Variants in FAM133A observed in about 807,000 individuals in gnomAD.
FAM133A encodes protein FAM133A.
For missense variants in FAM133A, 159 were observed against 164.4 expected, an observed-to-expected ratio of 0.97 and a Z score of 0.18; for synonymous variants, 65 against 58.6, an observed-to-expected ratio of 1.11 and a Z score of -0.50.
intron 2 of FAM133A, among the ~76,000 whole-genome samples, chrX:93,683,800 G>A (rs976736208): frequency 3.6e-5 from 4 of 111,294 alleles, no homozygotes; most frequent in East Asian, 2.8e-4. Flanking sequence ...TTTGTTGGCC[G>A]TTTGCATGTC....
chrX:93,701,679 T>C (rs940186515), intron 3 of FAM133A, among the ~76,000 whole-genome samples: 12 of 111,718 alleles, frequency 1.1e-4, no homozygotes, highest in African/African-American at 3.9e-4. Flanking sequence ...CCAAAACATA[T>C]CAAATGCATT....
intron 3 of FAM133A, among the ~76,000 whole-genome samples, chrX:93,704,985 A>G (rs1926949875): frequency 9.0e-6 from 1 of 111,040 alleles, no homozygotes; most frequent in Non-Finnish European, 1.9e-5. Context: ...TCAGTGTCTC[A>G]GATGATATGT....
At chrX:93,688,863 T>A (rs1450515343) in intron 2 of FAM133A, among the ~76,000 whole-genome samples, 2 of 109,829 alleles carry the variant, frequency 1.8e-5, no homozygotes, top group Non-Finnish European at 3.8e-5. Context: ...GTAAAATAAA[T>A]ACTCTAAAAA....
rs1247978080 is a variant in FAM133A at position 93,712,166 on chromosome X, C to A, written c.*2000C>A. 1 of 123,253 alleles carries A rather than the reference C, an allele frequency of 8.1e-6. No individual in the cohort carries two copies. The allele number at this position is 123,253 out of a possible 1,213,427, so 10.2% of individuals were successfully genotyped here. A position where few individuals can be genotyped will look rare whatever the true frequency, so the allele number is the denominator to read the frequency against. On this transcript the variant is annotated 3_prime_UTR_variant, in exon 4 of 4. Transcript: ENST00000683942. ...TGGCATACTTACAAGACGGATGCAA[C>A]CTGGGTCCTTAGGTCGCTGTTTAGA...
At chrX:93,695,499 C>T (rs1289788339) in intron 2 of FAM133A, among the ~76,000 whole-genome samples, 2 of 110,009 alleles carry the variant, frequency 1.8e-5, no homozygotes, top group South Asian at 3.9e-4. Context: ...GTGATCTGCC[C>T]GCCTAGGCCT....
intron 3 of FAM133A, 28 bp from the exon 4 acceptor site, chrX:93,709,289 G>T: frequency 1.1e-6 from 1 of 873,249 alleles, no homozygotes; most frequent in South Asian, 4.6e-5. Flanking sequence ...AAGGTGATTT[G>T]TAATCATTCC....
At chrX:93,697,167 T>TTATATATATATATATATATATATATATA (rs767010042) in intron 2 of FAM133A, among the ~76,000 whole-genome samples, 3 of 93,754 alleles carry the variant, frequency 3.2e-5, no homozygotes, top group African/African-American at 1.3e-4. Context: ...TATAGGCAAG[T>TTATATATATATATATATATATATATATA]TATATATATA....
At chrX:93,703,956 G>A (rs747499729) in intron 3 of FAM133A, among the ~76,000 whole-genome samples, 30 of 111,807 alleles carry the variant, frequency 2.7e-4, no homozygotes, top group Non-Finnish European at 1.9e-5. Flanking sequence ...GAATATACAT[G>A]AGAAGAACTG....
At position 93,710,069 on chromosome X, in the gene FAM133A, A is replaced by G; in HGVS notation, c.650A>G (p.Gln217Arg). The change falls in exon 4 of 4, where the codon CAA becomes CGA. Residue 217 changes from glutamine (Q) to arginine (R), a missense_variant. Coordinates refer to ENST00000683942, the MANE Select transcript of FAM133A (RefSeq NM_001171109.2). ...KKKRRCEEREQAKEKVKKKKK... is the reference protein window; with the variant it reads ...KKKRRCEERERAKEKVKKKKK... ...AAGAGAAGGTGTGAAGAGCGAGAAC[A>G]AGCAAAGGAAAAAGTAAAGAAGAAG... is the stretch of plus-strand genomic sequence containing the variant. The G allele has an allele frequency of 8.3e-7, 1 of 1,201,373 alleles. No individual in the cohort carries two copies. Among genetic ancestry groups the G allele is most frequent in the Non-Finnish European group, 1.1e-6 (1 of 889,251 alleles).
chrX:93,679,177 G>A (rs190692022), intron 2 of FAM133A, among the ~76,000 whole-genome samples: 1 of 110,383 alleles, frequency 9.1e-6, no homozygotes, highest in Non-Finnish European at 1.9e-5. Context: ...TTGCAAAAAT[G>A]GAAATATTGA....
At chrX:93,701,352 T>C (rs1926689735) in intron 3 of FAM133A, among the ~76,000 whole-genome samples, 1 of 111,863 alleles carries the variant, frequency 8.9e-6, no homozygotes, top group Non-Finnish European at 1.9e-5. Context: ...TGAGGAACCT[T>C]GTCAAGGATT....
chrX:93,687,707 G>A (rs1925629015), intron 2 of FAM133A, among the ~76,000 whole-genome samples: 1 of 110,913 alleles, frequency 9.0e-6, no homozygotes, highest in African/African-American at 3.3e-5. Flanking sequence ...ATGCATTGTC[G>A]ATAACTCTAG....
In FAM133A at chrX:93,710,410, G is replaced by A. The variant is rs746080203; in HGVS notation, c.*244G>A. 295 of 290,508 alleles carry A rather than the reference G, an allele frequency of 1.0e-3. 1 individual carries two copies. The highest frequency in any genetic ancestry group is 7.6e-3 in the African/African-American group (274 of 35,956). The allele number at this position is 290,508 out of a possible 1,213,427, so 23.9% of individuals were successfully genotyped here. ...TTTGAAATTAAAGTAAAATGTGTTAGATAATGAATAACTTTGACAAAAAAA... is the reference window on the plus strand; with the variant it reads ...TTTGAAATTAAAGTAAAATGTGTTAAATAATGAATAACTTTGACAAAAAAA... On this transcript the variant is annotated 3_prime_UTR_variant, in exon 4 of 4. Coordinates refer to ENST00000683942, the MANE Select transcript of FAM133A (RefSeq NM_001171109.2).
intron 2 of FAM133A, among the ~76,000 whole-genome samples, chrX:93,695,753 T>C (rs758251090): frequency 9.8e-6 from 1 of 101,544 alleles, no homozygotes; most frequent in African/African-American, 3.6e-5. Flanking sequence ...GCCATTCTCC[T>C]GCCTCAGCCT....
intron 3 of FAM133A, among the ~76,000 whole-genome samples, chrX:93,707,618 A>G (rs1367607618): frequency 1.8e-5 from 2 of 110,221 alleles, no homozygotes; most frequent in Admixed American, 9.7e-5. Flanking sequence ...GGTTCCATCA[A>G]CTCTAAATAC....
Position 93,709,462 on chromosome X carries a change from G to A in FAM133A, c.43G>A (p.Ala15Thr). 8.4e-7 allele frequency: 1 copy of A among 1,197,401 alleles called. No homozygotes were observed. The highest frequency in any genetic ancestry group is 1.1e-6 in the Non-Finnish European group (1 of 891,384). Reference sequence around the variant, plus strand: ...TCGGGTAGCCTATATGAATCCTATAGCAATGGCCAGATGGAGAGGCCCAAC... The same window carrying A: ...TCGGGTAGCCTATATGAATCCTATAACAATGGCCAGATGGAGAGGCCCAAC... Reference protein sequence around the residue: ...DNRVAYMNPIAMARWRGPTQS... With the variant: ...DNRVAYMNPITMARWRGPTQS... The change falls in exon 4 of 4, where the codon GCA becomes ACA. Residue 15 changes from alanine (A) to threonine (T), a missense_variant. Coordinates refer to ENST00000683942, the MANE Select transcript of FAM133A (RefSeq NM_001171109.2).
intron 3 of FAM133A, among the ~76,000 whole-genome samples, chrX:93,707,793 G>A (rs1489123571): frequency 9.0e-6 from 1 of 111,194 alleles, no homozygotes. Flanking sequence ...ATCCATCCAT[G>A]CATTTATTTA....
chrX:93,685,773 A>G (rs1028815634), intron 2 of FAM133A, among the ~76,000 whole-genome samples: 1 of 110,961 alleles, frequency 9.0e-6, no homozygotes, highest in African/African-American at 3.3e-5. Context: ...TTATCTTCCA[A>G]CCTCAAGCTC....
rs1927332171 is a variant in FAM133A, at chrX:93,710,059, G to A, written c.640G>A (p.Glu214Lys). 6 of 1,201,420 alleles carry A rather than the reference G, an allele frequency of 5.0e-6. No homozygotes were observed. The highest frequency in any genetic ancestry group is 6.7e-6 in the Non-Finnish European group (6 of 889,415). The change falls in exon 4 of 4, where the codon GAG (glutamate) becomes AAG (lysine). Residue 214 changes from glutamate (E) to lysine (K), a missense_variant. Physicochemically the swap from Glu to Lys is moderately conservative, Grantham distance 56. Transcript: ENST00000683942. Reference sequence around the variant, plus strand: ...AGCAAAAAAGAAGAGAAGGTGTGAAGAGCGAGAACAAGCAAAGGAAAAAGT... The same window carrying A: ...AGCAAAAAAGAAGAGAAGGTGTGAAAAGCGAGAACAAGCAAAGGAAAAAGT... ...VQAKKKRRCE[E>K]REQAKEKVKK...
Sources: allele counts gnomAD v4.1 joint callset (sites outside exome capture counted in the v4.1 genomes callset), GRCh38; gene constraint gnomAD v4.1.1; transcripts MANE v1.5; gene names NCBI Gene and HGNC (gene_info 2026-07-23, HGNC 2026-07-21).